DOCK3: variants seen among roughly 807,000 people sequenced by gnomAD.
DOCK3 encodes dedicator of cytokinesis 3, also known as dedicator of cytokinesis protein 3.
A neutral mutation model predicts 265.6 loss-of-function variants in DOCK3; 60 were observed. The ratio of observed to expected loss-of-function variants is 0.23; its 90% CI spans 0.18 to 0.28. The LOEUF (loss-of-function observed/expected upper bound fraction) is 0.28. Ranked by LOEUF, DOCK3 falls within the 10% of genes least tolerant of loss-of-function variation. DOCK3 has a pLI of 1.00. For missense variants in DOCK3, 1,981 were observed against 2,594.3 expected, an observed-to-expected ratio of 0.76 and a Z score of 5.14; for synonymous variants, 881 against 938.0, an observed-to-expected ratio of 0.94 and a Z score of 1.11.
intron 12 of DOCK3, among the ~76,000 whole-genome samples, chr3:51,168,850 A>C (rs1174645499): frequency 6.6e-6 from 1 of 151,618 alleles, no homozygotes; most frequent in Non-Finnish European, 1.5e-5. Context: ...CATCTGACAA[A>C]GGTCCAATAT....
At chr3:51,219,599 A>G (rs961765890) in intron 14 of DOCK3, among the ~76,000 whole-genome samples, 1 of 152,250 alleles carries the variant, frequency 6.6e-6, no homozygotes, top group Admixed American at 6.5e-5. Flanking sequence ...GAGACTGATC[A>G]GTTGCATTCA....
chr3:50,710,499 A>G (rs145652471), intron 1 of DOCK3, among the ~76,000 whole-genome samples: 1 of 152,200 alleles, frequency 6.6e-6, no homozygotes, highest in African/African-American at 2.4e-5. Flanking sequence ...TAATTAAAAA[A>G]TAATAATAAA....
rs1422578942 is a variant in DOCK3 at position 51,350,497 on chromosome 3, T to C, written c.4107+105T>C. 7.3e-6 allele frequency: 9 copies of C among 1,238,412 alleles called. No individual in the cohort carries two copies. In the East Asian group the frequency reaches 1.9e-4, roughly 26 times the overall value. The allele number at this position is 1,238,412 out of a possible 1,614,324, so 76.7% of individuals were successfully genotyped here. A position where few individuals can be genotyped will look rare whatever the true frequency, so the allele number is the denominator to read the frequency against. ...TTTTGCCTTTTCTACTGAATACTTCTTTACAGAGGATAAACCAGTTAACAA... is the reference window on the plus strand; with the variant it reads ...TTTTGCCTTTTCTACTGAATACTTCCTTACAGAGGATAAACCAGTTAACAA... On this transcript the variant is annotated intron_variant, in intron 40 of 52. Transcript: ENST00000266037.
chr3:50,808,401 A>G (rs1178911768), intron 2 of DOCK3, among the ~76,000 whole-genome samples: 1 of 152,228 alleles, frequency 6.6e-6, no homozygotes, highest in Non-Finnish European at 1.5e-5. Context: ...TACAAAGAAT[A>G]TGATAATCTT....
Position 51,270,866 on chromosome 3 carries a change from T to C in DOCK3, c.2407T>C (p.Phe803Leu). ...CATCTTTGATGAGCTTCTGCAAATG[T>C]TCACCGTGCAAGAGGTGGCAGAGTT... is the stretch of plus-strand genomic sequence containing the variant. The part of the protein sequence containing the change: ...PTIFDELLQM[F>L]TVQEVAEFVR... The change falls in exon 24 of 53, where the codon TTC becomes CTC. Residue 803 changes from phenylalanine (F) to leucine (L), a missense_variant. By Grantham distance (22) the Phe-to-Leu change is conservative (BLOSUM62 0). Transcript: ENST00000266037. The C allele has an allele frequency of 6.2e-7, 1 of 1,614,002 alleles. No individual in the cohort carries two copies. Among genetic ancestry groups the C allele is most frequent in the Non-Finnish European group, 8.5e-7 (1 of 1,179,896 alleles).
At chr3:50,979,098 C>A (rs1441903460) in intron 5 of DOCK3, among the ~76,000 whole-genome samples, 1 of 152,188 alleles carries the variant, frequency 6.6e-6, no homozygotes, top group African/African-American at 2.4e-5. Flanking sequence ...GCAGAAATCA[C>A]CCGTCTTCTG....
intron 5 of DOCK3, among the ~76,000 whole-genome samples, chr3:51,037,264 C>T (rs909116488): frequency 9.2e-5 from 14 of 152,064 alleles, no homozygotes; most frequent in Admixed American, 7.9e-4. Context: ...CTCCTGTGTT[C>T]CCCTTCCTAC....
intron 49 of DOCK3, among the ~76,000 whole-genome samples, chr3:51,364,667 G>A (rs1560510442): frequency 6.6e-6 from 1 of 152,196 alleles, no homozygotes; most frequent in East Asian, 1.9e-4. Flanking sequence ...TGTATGAGGT[G>A]TAAGGAAGGG....
At chr3:51,114,342 C>T (rs2083644152) in intron 9 of DOCK3, among the ~76,000 whole-genome samples, 1 of 152,144 alleles carries the variant, frequency 6.6e-6, no homozygotes, top group Non-Finnish European at 1.5e-5. Flanking sequence ...ACAAAGGAAA[C>T]ATTTCAAGAG....
At chr3:50,809,780 G>A (rs1368664918) in intron 2 of DOCK3, among the ~76,000 whole-genome samples, 1 of 152,154 alleles carries the variant, frequency 6.6e-6, no homozygotes, top group Non-Finnish European at 1.5e-5. Context: ...GAAAAAAGAA[G>A]CCAGATATGA....
intron 10 of DOCK3, among the ~76,000 whole-genome samples, chr3:51,148,352 TC>T (rs1560126088): frequency 6.6e-6 from 1 of 152,228 alleles, no homozygotes; most frequent in Non-Finnish European, 1.5e-5. Flanking sequence ...TTTAATTAGA[TC>T]CCATTTGTCA....
intron 5 of DOCK3, among the ~76,000 whole-genome samples, chr3:50,952,244 A>C (rs1181456414): frequency 6.6e-6 from 1 of 152,154 alleles, no homozygotes; most frequent in Non-Finnish European, 1.5e-5. Flanking sequence ...AATTCCTGGG[A>C]AATGTTTTTA....
intron 5 of DOCK3, among the ~76,000 whole-genome samples, chr3:51,047,134 A>G (rs1219295449): frequency 6.6e-6 from 1 of 152,078 alleles, no homozygotes; most frequent in African/African-American, 2.4e-5. Flanking sequence ...GAAGCTAGAA[A>G]AAGAAAACTA....
intron 1 of DOCK3, among the ~76,000 whole-genome samples, chr3:50,719,329 G>A (rs1195941789): frequency 1.3e-5 from 2 of 150,834 alleles, no homozygotes; most frequent in South Asian, 2.1e-4. Flanking sequence ...ATCCAACTAG[G>A]CATGGAAGAG....
chr3:51,251,191 A>T (rs1182475780), intron 22 of DOCK3, among the ~76,000 whole-genome samples: 1 of 152,208 alleles, frequency 6.6e-6, no homozygotes, highest in East Asian at 1.9e-4. Flanking sequence ...CCTACAAAGG[A>T]CATGAACTCA....
intron 10 of DOCK3, among the ~76,000 whole-genome samples, chr3:51,155,393 TA>T (rs1318969117): frequency 6.6e-6 from 1 of 152,212 alleles, no homozygotes; most frequent in East Asian, 1.9e-4. Context: ...CTTTAAGCTC[TA>T]TGAAATTATA....
At chr3:51,305,726 G>A in intron 27 of DOCK3, among the ~76,000 whole-genome samples, 1 of 41,614 alleles carries the variant, frequency 2.4e-5, no homozygotes, top group East Asian at 8.6e-4. Flanking sequence ...CTGTGTGTGT[G>A]TGTGTGCGCG....
At chr3:50,990,548 T>A (rs1007578389) in intron 5 of DOCK3, among the ~76,000 whole-genome samples, 3 of 152,188 alleles carry the variant, frequency 2.0e-5, no homozygotes, top group Admixed American at 2.0e-4. Flanking sequence ...GAATTTTATA[T>A]CTAGCTGTAT....
At chr3:50,839,351 T>C (rs967431935) in intron 2 of DOCK3, among the ~76,000 whole-genome samples, 1 of 152,172 alleles carries the variant, frequency 6.6e-6, no homozygotes, top group African/African-American at 2.4e-5. Context: ...TGGGTAAATA[T>C]AAGGAATGGA....
Sources: gnomAD v4.1 joint callset for allele counts (sites outside exome capture counted in the v4.1 genomes callset) on GRCh38, gnomAD v4.1.1 for gene constraint, MANE v1.5 for transcripts, NCBI Gene and HGNC (gene_info 2026-07-23, HGNC 2026-07-21) for gene names.